NCAM2: variants seen among roughly 807,000 people sequenced by gnomAD.
NCAM2 encodes the protein neural cell adhesion molecule 2, also known as N-CAM-2.
NCAM2 carries 30 observed loss-of-function variants against 98.1 expected under a neutral mutation model. The observed-to-expected ratio is 0.31, with a 90% CI of 0.23 to 0.41. The LOEUF is 0.41. Ranked by LOEUF, NCAM2 falls within the 10% of genes least tolerant of loss-of-function variation. The pLI is 1.00. For synonymous variants in NCAM2, 368 were observed against 342.4 expected (o/e 1.07, Z -0.83); for missense variants, 867 against 1,005.8 (o/e 0.86, Z 1.87).
chr21:21,294,442 T>C (rs938105252), intron 5 of NCAM2, among the ~76,000 whole-genome samples: 2 of 151,890 alleles, frequency 1.3e-5, no homozygotes, highest in African/African-American at 4.8e-5. Flanking sequence ...TCTGTATCAG[T>C]TGGACCCTCC....
intron 10 of NCAM2, among the ~76,000 whole-genome samples, chr21:21,414,949 CTT>C (rs34233053): frequency 0.017 from 2,494 of 147,050 alleles, 19 homozygotes; most frequent in Middle Eastern, 0.029. Flanking sequence ...TGAAGGGAAT[CTT>C]TTTTTTTTTT....
intron 12 of NCAM2, among the ~76,000 whole-genome samples, chr21:21,455,383 C>G (rs1262090895): frequency 6.6e-6 from 1 of 151,702 alleles, no homozygotes; most frequent in Non-Finnish European, 1.5e-5. Context: ...TTTTTTTGAG[C>G]TCTAAAATGC....
chr21:21,108,739 A>G (rs899964657), intron 1 of NCAM2, among the ~76,000 whole-genome samples: 1 of 152,152 alleles, frequency 6.6e-6, no homozygotes, highest in Admixed American at 6.5e-5. Context: ...AAAATTCCTT[A>G]CTAGCATAGC....
intron 16 of NCAM2, among the ~76,000 whole-genome samples, chr21:21,533,957 C>T (rs1418511145): frequency 5.9e-5 from 9 of 151,922 alleles, no homozygotes; most frequent in Admixed American, 5.2e-4. Context: ...TCTTGAAAAA[C>T]GTGAATAAGT....
At position 21,452,971 on chromosome 21, in the gene NCAM2, T is replaced by TTATA. The variant is rs376391112; in HGVS notation, c.1655-13632_1655-13631insATAT. On this transcript the variant is annotated intron_variant, in intron 12 of 17. Transcript: ENST00000400546. ...TATACTATATATTATATATTATATATTATTATATATTATATATTATATTAT... is the reference window on the plus strand; with the variant it reads ...TATACTATATATTATATATTATATATTATATATTATATATTATATATTATATTAT... Among the ~76,000 whole-genome samples, 281 of 32,106 alleles carry TTATA rather than the reference T, an allele frequency of 8.8e-3. 4 individuals are homozygous for TTATA. The highest frequency in any genetic ancestry group is 0.026 in the African/African-American group (270 of 10,534). 21.1% of individuals were successfully genotyped at this position (32,106 alleles called of 152,430 possible).
chr21:21,450,804 AC>A (rs1980932402), intron 12 of NCAM2, among the ~76,000 whole-genome samples: 1 of 111,044 alleles, frequency 9.0e-6, no homozygotes, highest in Non-Finnish European at 2.0e-5. Flanking sequence ...ACACACACAC[AC>A]ACACACACAC....
chr21:21,085,201 G>A (rs200036617), intron 1 of NCAM2, among the ~76,000 whole-genome samples: 1 of 147,926 alleles, frequency 6.8e-6, no homozygotes, highest in Non-Finnish European at 1.5e-5. Context: ...TCTAGTTGGG[G>A]TTTTTTTTTT....
intron 1 of NCAM2, among the ~76,000 whole-genome samples, chr21:21,195,408 A>T (rs977896056): frequency 1.3e-5 from 2 of 152,296 alleles, no homozygotes; most frequent in Admixed American, 1.3e-4. Context: ...GCATAAGAAA[A>T]TGAAATATTC....
intron 16 of NCAM2, among the ~76,000 whole-genome samples, chr21:21,529,834 A>T (rs1423880020): frequency 6.6e-6 from 1 of 151,498 alleles, no homozygotes; most frequent in Non-Finnish European, 1.5e-5. Context: ...TTACAAAAGC[A>T]GTACCAACAT....
At chr21:21,381,396 C>G (rs1361427974) in intron 9 of NCAM2, among the ~76,000 whole-genome samples, 1 of 151,614 alleles carries the variant, frequency 6.6e-6, no homozygotes, top group Non-Finnish European at 1.5e-5. Context: ...GTTTTTTTTC[C>G]TATGTTTTTT....
At chr21:21,189,551 C>T (rs1030773669) in intron 1 of NCAM2, among the ~76,000 whole-genome samples, 1 of 152,144 alleles carries the variant, frequency 6.6e-6, no homozygotes, top group Non-Finnish European at 1.5e-5. Flanking sequence ...CACAGCAAGA[C>T]CTCGTCTCTA....
intron 8 of NCAM2, among the ~76,000 whole-genome samples, chr21:21,368,154 A>G (rs553077504): frequency 6.6e-6 from 1 of 151,936 alleles, no homozygotes; most frequent in African/African-American, 2.4e-5. Context: ...AAATATGGGT[A>G]CTTATTTTAA....
chr21:21,419,305 C>CTTT (rs34109924), intron 11 of NCAM2, among the ~76,000 whole-genome samples: 1 of 99,956 alleles, frequency 1.0e-5, no homozygotes, highest in African/African-American at 3.9e-5. Flanking sequence ...AAATAGGGAA[C>CTTT]TTTTTTTTTT....
intron 15 of NCAM2, among the ~76,000 whole-genome samples, chr21:21,492,053 T>G (rs115566001): frequency 0.11 from 16,110 of 151,656 alleles, 931 homozygotes; most frequent in Middle Eastern, 0.22. Context: ...TATTAATTTT[T>G]TATTGTTCTA....
intron 1 of NCAM2, among the ~76,000 whole-genome samples, chr21:21,232,774 C>T: frequency 6.6e-6 from 1 of 151,438 alleles, no homozygotes; most frequent in East Asian, 1.9e-4. Flanking sequence ...GTTTTATATG[C>T]CATCCTTTCT....
intron 9 of NCAM2, among the ~76,000 whole-genome samples, chr21:21,399,506 A>G (rs2076583371): frequency 1.3e-5 from 2 of 152,246 alleles, no homozygotes; most frequent in South Asian, 4.1e-4. Context: ...ATAATCTACA[A>G]TACAATCATA....
intron 12 of NCAM2, among the ~76,000 whole-genome samples, chr21:21,440,824 T>C (rs558607950): frequency 1.3e-5 from 2 of 152,244 alleles, no homozygotes; most frequent in South Asian, 4.1e-4. Context: ...TTTCAGAAAT[T>C]CTATTCAACA....
rs73324883 is a variant in NCAM2, at chr21:21,451,886, A to T, written c.1655-14720A>T. On this transcript the variant is annotated intron_variant, in intron 12 of 17. Transcript: ENST00000400546. ...AATGTAGGTTTAAGTTTCAAGGCCC[A>T]TGATTTTCTGTCCATGGTAGTGTTG... Among the ~76,000 whole-genome samples the T allele has an allele frequency of 8.0e-3, 1,219 of 152,172 alleles. 13 individuals carry two copies. The highest frequency in any genetic ancestry group is 0.028 in the African/African-American group (1,166 of 41,532).
At chr21:21,323,754 A>G (rs1357075149) in intron 5 of NCAM2, among the ~76,000 whole-genome samples, 3 of 152,144 alleles carry the variant, frequency 2.0e-5, no homozygotes, top group South Asian at 2.1e-4. Context: ...ATGAAAATCT[A>G]TTTCCATTCT....
Sources: allele counts gnomAD v4.1 joint callset (sites outside exome capture counted in the v4.1 genomes callset), GRCh38; gene constraint gnomAD v4.1.1; transcripts MANE v1.5; gene names NCBI Gene and HGNC (gene_info 2026-07-23, HGNC 2026-07-21).